ATP6V0A4: variants seen among roughly 807,000 people sequenced by gnomAD.
The protein encoded by ATP6V0A4 is V-type proton ATPase 116 kDa subunit a 4.
In ATP6V0A4, 86 loss-of-function variants were observed where a neutral mutation model predicts 107.3. The ratio of observed to expected loss-of-function variants is 0.80; its 90% confidence interval spans 0.67 to 0.96. ATP6V0A4 has a LOEUF of 0.96. Among genes scored for constraint, ATP6V0A4 ranks in the 40% least tolerant of loss-of-function variants. The pLI, the probability that ATP6V0A4 is intolerant of heterozygous loss-of-function variation, is 0.00. For missense variants in ATP6V0A4, 908 were observed against 1,045.6 expected, an observed-to-expected ratio of 0.87 and a Z score of 1.81; for synonymous variants, 353 against 381.4, an observed-to-expected ratio of 0.93 and a Z score of 0.87.
rs773756702 is a variant in ATP6V0A4 at position 138,706,652 on chromosome 7, T to C, written c.2495A>G (p.His832Arg). Reference protein sequence around the residue: ...GYKFSPFSFKHILDGTAEE With the variant: ...GYKFSPFSFKRILDGTAEE ...CTCCTCGGCTGTGCCATCCAGGATG[T>C]GTTTAAAGGAGAATGGAGAAAACTT... The change falls in exon 22 of 22, where the codon CAC (histidine) becomes CGC (arginine). Residue 832 changes from histidine to arginine, a missense_variant. By Grantham distance (29) the His-to-Arg change is conservative. Transcript: ENST00000310018. 3.1e-6 allele frequency: 5 copies of C among 1,613,862 alleles called. No homozygotes were observed. Among genetic ancestry groups the C allele is most frequent in the African/African-American group, 2.7e-5 (2 of 74,892 alleles).
In ATP6V0A4 at chr7:138,792,797, T is replaced by G. The variant is rs1403543491; in HGVS notation, c.-121+5237A>C. Among the ~76,000 whole-genome samples the G allele has an allele frequency of 8.3e-5, 12 of 144,650 alleles. No individual in the cohort carries two copies. In the East Asian group the frequency reaches 2.4e-3, roughly 30 times the overall value. The allele number at this position is 144,650 out of a possible 152,430, so 94.9% of individuals were successfully genotyped here. On this transcript the variant is annotated intron_variant, in intron 1 of 21. Transcript: ENST00000310018. The stretch of plus-strand genomic sequence containing the variant: ...TTTTTTGTTGTTTTGTTTTTTTTTT[T>G]GTAGCAACAGAGTTTCACTATGTTG...
chr7:138,718,391 GGGAGA>G (rs1804218441), intron 19 of ATP6V0A4, among the ~76,000 whole-genome samples: 2 of 128,644 alleles, frequency 1.6e-5, no homozygotes, highest in African/African-American at 6.1e-5. Context: ...TGTCTGTGGA[GGGAGA>G]CGTCCAGGAA....
At chr7:138,779,358 AAAT>A in intron 2 of ATP6V0A4, among the ~76,000 whole-genome samples, 1 of 79,010 alleles carries the variant, frequency 1.3e-5, no homozygotes, top group South Asian at 4.2e-4. Flanking sequence ...AAAAAAAAAT[AAAT>A]AAATAAAAGA....
At chr7:138,776,421 A>C (rs995802465) in intron 2 of ATP6V0A4, among the ~76,000 whole-genome samples, 1 of 152,202 alleles carries the variant, frequency 6.6e-6, no homozygotes, top group Non-Finnish European at 1.5e-5. Context: ...GAATCCAGAC[A>C]CCTGGATGAA....
At chr7:138,744,693 G>A (rs1159435561) in intron 14 of ATP6V0A4, among the ~76,000 whole-genome samples, 2 of 138,466 alleles carry the variant, frequency 1.4e-5, no homozygotes, top group African/African-American at 2.7e-5. Flanking sequence ...AACACACTTG[G>A]CTATTTTTTC....
At chr7:138,792,766 G>GTTTTT (rs1202969668) in intron 1 of ATP6V0A4, among the ~76,000 whole-genome samples, 1,380 of 68,246 alleles carry the variant, frequency 0.02, 75 homozygotes, top group East Asian at 0.038. Flanking sequence ...ACTCAGGTTT[G>GTTTTT]TTTTTTTTTT....
In ATP6V0A4 at chr7:138,709,651, G is replaced by A; in HGVS notation, c.2402C>T (p.Ala801Val). The A allele has an allele frequency of 6.2e-7, 1 of 1,613,230 alleles. No individual in the cohort carries two copies. Among genetic ancestry groups the A allele is most frequent in the Non-Finnish European group, 8.5e-7 (1 of 1,179,556 alleles). ...GTGCAGTCGCAGGGCGTGCAGGAAA[G>A]CAGAGAGGCCCTCCATGATCAGAAG... ...AILLIMEGLS[A>V]FLHALRLHWV... Residue 801 changes from alanine to valine, a missense_variant, in exon 21 of 22, where the codon GCT becomes GTT. Physicochemically the swap from Ala to Val is moderately conservative, Grantham distance 64. Transcript: ENST00000310018.
At chr7:138,711,429 A>G (rs969572191) in intron 20 of ATP6V0A4, among the ~76,000 whole-genome samples, 2 of 152,148 alleles carry the variant, frequency 1.3e-5, no homozygotes, top group African/African-American at 2.4e-5. Context: ...TGGGATATGC[A>G]CCTTGCAGGG....
intron 14 of ATP6V0A4, among the ~76,000 whole-genome samples, chr7:138,740,423 T>G (rs889961195): frequency 3.3e-5 from 5 of 150,406 alleles, no homozygotes; most frequent in Non-Finnish European, 7.4e-5. Flanking sequence ...GGAAGAAATT[T>G]CTTTTTTTTT....
chr7:138,726,086 C>T (rs1216513311), intron 18 of ATP6V0A4, among the ~76,000 whole-genome samples: 17 of 151,866 alleles, frequency 1.1e-4, no homozygotes, highest in African/African-American at 3.4e-4. Flanking sequence ...GCCTCCCGGG[C>T]TCAGGCCATT....
At chr7:138,723,424 A>G (rs1430231558) in intron 18 of ATP6V0A4, among the ~76,000 whole-genome samples, 2 of 152,038 alleles carry the variant, frequency 1.3e-5, no homozygotes, top group Non-Finnish European at 2.9e-5. Context: ...TCAAGTCACC[A>G]TGAAGCTTAA....
At chr7:138,711,062 C>T (rs532054424) in intron 20 of ATP6V0A4, among the ~76,000 whole-genome samples, 7 of 152,246 alleles carry the variant, frequency 4.6e-5, no homozygotes, top group African/African-American at 1.7e-4. Flanking sequence ...TGGCCTGTTC[C>T]TATGACACCA....
At chr7:138,726,704 G>A (rs192425532) in intron 18 of ATP6V0A4, among the ~76,000 whole-genome samples, 8 of 152,258 alleles carry the variant, frequency 5.3e-5, no homozygotes, top group Admixed American at 1.3e-4. Context: ...TTTCCGACAC[G>A]AAAAGGACCC....
At chr7:138,741,135 C>G (rs749013933) in intron 14 of ATP6V0A4, among the ~76,000 whole-genome samples, 1 of 152,024 alleles carries the variant, frequency 6.6e-6, no homozygotes, top group Non-Finnish European at 1.5e-5. Flanking sequence ...CAGAGCAAGA[C>G]TCCGTCTACA....
rs3847125 is a variant in ATP6V0A4 at position 138,756,063 on chromosome 7, C to T, written c.723-281G>A. ...TAAATAAGACTGCAAGCTGGGCTTGCCCCTTCCTAAGAATCTATTAATGTA... is the reference window on the plus strand; with the variant it reads ...TAAATAAGACTGCAAGCTGGGCTTGTCCCTTCCTAAGAATCTATTAATGTA... On this transcript the variant is annotated intron_variant, in intron 9 of 21. Transcript: ENST00000310018. 0.016 allele frequency: 8,693 copies of T among 559,818 alleles called. 623 individuals are homozygous for T. Among genetic ancestry groups the T allele is most frequent in the African/African-American group, 0.15 (7,985 of 52,850 alleles). The allele number at this position is 559,818 out of a possible 1,614,324, so 34.7% of individuals were successfully genotyped here.
chr7:138,739,327 G>A (rs943969070), intron 15 of ATP6V0A4, among the ~76,000 whole-genome samples: 1 of 152,176 alleles, frequency 6.6e-6, no homozygotes, highest in Non-Finnish European at 1.5e-5. Flanking sequence ...CAGACGTTTG[G>A]GGGACTGTAT....
Position 138,762,977 on chromosome 7 carries a change from G to C in ATP6V0A4, c.340C>G (p.Gln114Glu), listed in dbSNP as rs1179541056. Residue 114 changes from glutamine (Q) to glutamate (E), a missense_variant, in exon 6 of 22, where the codon CAG (glutamine) becomes GAG (glutamate). Transcript: ENST00000310018. ...AGGAAGCTTTGTTTCAAGGCCTGCTGGTTCTGGTTGGCTTCCTGTAACTCT... is the reference window on the plus strand; with the variant it reads ...AGGAAGCTTTGTTTCAAGGCCTGCTCGTTCTGGTTGGCTTCCTGTAACTCT... ...EGELQEANQN[Q>E]QALKQSFLEL... The C allele has an allele frequency of 1.9e-6, 3 of 1,613,962 alleles. No homozygotes were observed. The highest frequency in any genetic ancestry group is 2.5e-6 in the Non-Finnish European group (3 of 1,180,034).
chr7:138,785,433 GC>G (rs1563021642), intron 2 of ATP6V0A4, among the ~76,000 whole-genome samples: 1 of 151,826 alleles, frequency 6.6e-6, no homozygotes, highest in African/African-American at 2.4e-5. Context: ...GCACCACCAC[GC>G]CCGGTTAATT....
intron 20 of ATP6V0A4, among the ~76,000 whole-genome samples, chr7:138,713,889 C>A (rs1441283034): frequency 1.3e-5 from 2 of 151,132 alleles, no homozygotes; most frequent in Non-Finnish European, 2.9e-5. Flanking sequence ...CTGTTTGAGC[C>A]CAGAAGTTCA....
Sources: gnomAD v4.1 joint callset for allele counts (sites outside exome capture counted in the v4.1 genomes callset) on GRCh38, gnomAD v4.1.1 for gene constraint, MANE v1.5 for transcripts, NCBI Gene and HGNC (gene_info 2026-07-23, HGNC 2026-07-21) for gene names.